Variants in SVEP1 observed in about 807,000 individuals in gnomAD.
The protein encoded by SVEP1 is sushi, von Willebrand factor type A, EGF and pentraxin domain-containing protein 1.
In SVEP1, 164 loss-of-function variants were observed where a neutral mutation model predicts 367.3. The observed-to-expected ratio is 0.45, with a 90% CI of 0.39 to 0.51. The LOEUF is 0.51. Ranked by LOEUF, SVEP1 falls within the 20% of genes least tolerant of loss-of-function variation. The pLI is 0.00. For missense variants in SVEP1, 4,117 were observed against 4,425.3 expected (o/e 0.93, Z 1.98); for synonymous variants, 1,666 against 1,611.6 (o/e 1.03, Z -0.81).
Position 110,427,681 on chromosome 9 carries a change from A to T in SVEP1, c.5885T>A (p.Phe1962Tyr). 2 of 1,613,954 alleles carry T rather than the reference A, an allele frequency of 1.2e-6. No individual in the cohort carries two copies. Among genetic ancestry groups the T allele is most frequent in the South Asian group, 1.1e-5 (1 of 91,072 alleles). Residue 1962 changes from phenylalanine to tyrosine, a missense_variant, in exon 36 of 48, where the codon TTC (phenylalanine) becomes TAC (tyrosine). Phe to Tyr is a conservative substitution (Grantham distance 22, BLOSUM62 3). Coordinates refer to ENST00000374469, the MANE Select transcript of SVEP1 (RefSeq NM_153366.4). ...TTTGATGGCAGGTGGTTCTCCACAG[A>T]AGACGAGGTGACAGGCAGGTGGCGC... ...DRAPPACHLV[F>Y]CGEPPAIKDA...
intron 42 of SVEP1, among the ~76,000 whole-genome samples, chr9:110,386,537 C>G (rs1827525406): frequency 6.6e-6 from 1 of 152,160 alleles, no homozygotes. Context: ...TCAGACATTT[C>G]TATGTGAGCT....
At chr9:110,518,702 C>T (rs1108836) in intron 3 of SVEP1, among the ~76,000 whole-genome samples, 24,920 of 152,046 alleles carry the variant, frequency 0.16, 2,575 homozygotes, top group Admixed American at 0.26. Flanking sequence ...CTAAATAAAA[C>T]TTATGTTCTT....
At chr9:110,448,528 T>A (rs1237370166) in intron 24 of SVEP1, among the ~76,000 whole-genome samples, 1 of 152,160 alleles carries the variant, frequency 6.6e-6, no homozygotes, top group Non-Finnish European at 1.5e-5. Context: ...TGACGGTAAA[T>A]CTATTTTGAC....
chr9:110,406,366 G>T lies in SVEP1; in HGVS notation c.9234C>A (p.Thr3078=), dbSNP rs1348814722. ...PMIPNAFISE[T]SSWKENVITY... ...TTATCACATTTTCCTTCCAAGAGCT[G>T]GTCTCACTGATGAACGCATTTGGTA... Residue 3078 remains threonine, a synonymous_variant, in exon 38 of 48, where the codon ACC becomes ACA. Coordinates refer to ENST00000374469, the MANE Select transcript of SVEP1 (RefSeq NM_153366.4). 3 of 1,614,030 alleles carry T rather than the reference G, an allele frequency of 1.9e-6. No individual in the cohort carries two copies. The highest frequency in any genetic ancestry group is 2.5e-6 in the Non-Finnish European group (3 of 1,179,902).
chr9:110,440,890 G>A (rs899963939), intron 27 of SVEP1, among the ~76,000 whole-genome samples: 1 of 152,130 alleles, frequency 6.6e-6, no homozygotes, highest in Non-Finnish European at 1.5e-5. Context: ...TCTAAGTGGT[G>A]AAGGCAGAAG....
intron 36 of SVEP1, among the ~76,000 whole-genome samples, chr9:110,412,257 CA>C (rs766405943): frequency 2.4e-4 from 37 of 152,236 alleles, no homozygotes; most frequent in African/African-American, 6.3e-4. Context: ...CTACAATGTA[CA>C]ATGCCATATT....
intron 16 of SVEP1, among the ~76,000 whole-genome samples, chr9:110,470,576 G>A (rs1303234168): frequency 3.3e-5 from 5 of 151,922 alleles, no homozygotes; most frequent in Admixed American, 3.3e-4. Flanking sequence ...GGGACTACAG[G>A]CATGTGCCAT....
At position 110,503,146 on chromosome 9, in the gene SVEP1, T is replaced by C. The variant is rs201138144; in HGVS notation, c.1375A>G (p.Lys459Glu). ...TCACAGGCAACCAAACATGTTGTCT[T>C]ATATAACATTTCCCTTGTAGAACAG... Reference protein sequence around the residue: ...ISCSTREMLYKTTCLVACDEG... With the variant: ...ISCSTREMLYETTCLVACDEG... Residue 459 changes from lysine to glutamate, a missense_variant, in exon 6 of 48, where the codon AAG becomes GAG. Transcript: ENST00000374469. The C allele has an allele frequency of 2.4e-5, 38 of 1,613,746 alleles. No individual in the cohort carries two copies. In the Admixed American group the frequency reaches 3.8e-4, roughly 16 times the overall value.
At chr9:110,472,033 C>T (rs529051655) in intron 15 of SVEP1, 126 bp downstream of exon 15, 2 of 1,019,182 alleles carry the variant, frequency 2.0e-6, no homozygotes, top group East Asian at 2.5e-5. Context: ...GTTAACTGTG[C>T]TTTCCCTAAT....
At chr9:110,425,043 A>C (rs1467231922) in intron 36 of SVEP1, among the ~76,000 whole-genome samples, 3 of 152,226 alleles carry the variant, frequency 2.0e-5, no homozygotes, top group African/African-American at 7.2e-5. Context: ...AACAAGAGAG[A>C]GGCTTTCCTT....
chr9:110,383,754 G>A (rs1457870365), intron 43 of SVEP1, among the ~76,000 whole-genome samples: 3 of 152,180 alleles, frequency 2.0e-5, no homozygotes, highest in Non-Finnish European at 4.4e-5. Flanking sequence ...GAGCCCCAGG[G>A]GCTCCATCTC....
intron 37 of SVEP1, among the ~76,000 whole-genome samples, chr9:110,410,217 A>T (rs1345770913): frequency 6.6e-6 from 1 of 152,224 alleles, no homozygotes; most frequent in Admixed American, 6.5e-5. Context: ...GTTTTAAAAA[A>T]GTGTTTAATT....
At chr9:110,551,914 C>T (rs894457900) in intron 1 of SVEP1, among the ~76,000 whole-genome samples, 4 of 151,810 alleles carry the variant, frequency 2.6e-5, no homozygotes, top group Non-Finnish European at 5.9e-5. Context: ...TCCCTTTAGG[C>T]ATAGAGGTCC....
At position 110,375,478 on chromosome 9, in the gene SVEP1, AAAAAAAAAAAAAGG is replaced by A. The variant is rs1399258330; in HGVS notation, c.10505-29_10505-16del. The A allele has an allele frequency of 6.6e-7, 1 of 1,516,252 alleles. No individual in the cohort carries two copies. The highest frequency in any genetic ancestry group is 1.4e-5 in the African/African-American group (1 of 70,930). The allele number at this position is 1,516,252 out of a possible 1,614,324, so 93.9% of individuals were successfully genotyped here. A position where few individuals can be genotyped will look rare whatever the true frequency, so the allele number is the denominator to read the frequency against. ...AATGCAGATTGCTAAAAAAAAAAAA[AAAAAAAAAAAAAGG>A]AGGCAGGGGGGATTGAAATGGCGTT... is the stretch of plus-strand genomic sequence containing the variant. On this transcript the variant is annotated splice_polypyrimidine_tract_variant and intron_variant, in intron 45 of 47. Coordinates refer to ENST00000374469, the MANE Select transcript of SVEP1 (RefSeq NM_153366.4).
At chr9:110,439,338 C>T (rs867600352) in intron 27 of SVEP1, among the ~76,000 whole-genome samples, 7 of 152,152 alleles carry the variant, frequency 4.6e-5, no homozygotes, top group Non-Finnish European at 8.8e-5. Flanking sequence ...CATACTGCTA[C>T]CCTGATCTCA....
Position 110,411,084 on chromosome 9 carries a change from C to T in SVEP1, c.6627G>A (p.Lys2209=). The part of the protein sequence containing the change: ...CHPVSCGEPP[K]VENGFLEHTT... ...TTACCTCCAGAAAGCCATTCTCAAC[C>T]TTAGGTGGTTCACCACAAGATACCG... Residue 2209 remains lysine (K), a synonymous_variant, in exon 37 of 48, where the codon AAG becomes AAA. Coordinates refer to ENST00000374469, the MANE Select transcript of SVEP1 (RefSeq NM_153366.4). 6.3e-7 allele frequency: 1 copy of T among 1,596,354 alleles called. No homozygotes were observed. The highest frequency in any genetic ancestry group is 8.5e-7 in the Non-Finnish European group (1 of 1,170,186).
chr9:110,404,267 C>T (rs919807963), intron 39 of SVEP1, 60 bp downstream of exon 39: 49 of 1,518,830 alleles, frequency 3.2e-5, no homozygotes, highest in Middle Eastern at 2.2e-4. Flanking sequence ...ATAGATACTG[C>T]TTGCTTGGCA....
rs539249846 is a variant in SVEP1, at chr9:110,499,823, G to A, written c.1484-585C>T. Among the ~76,000 whole-genome samples the A allele has an allele frequency of 5.3e-5, 8 of 152,334 alleles. No homozygotes were observed. In the South Asian group the frequency reaches 1.7e-3, roughly 32 times the overall value. The stretch of plus-strand genomic sequence containing the variant: ...AGGACTTAATACAGGGAGTGCATGT[G>A]AGGGGGCAGCGTGTGCACACACCCA... On this transcript the variant is annotated intron_variant, in intron 6 of 47. Coordinates refer to ENST00000374469, the MANE Select transcript of SVEP1 (RefSeq NM_153366.4).
Position 110,445,361 on chromosome 9 carries a change from A to G in SVEP1, c.4463+476T>C, listed in dbSNP as rs189910032. Among the ~76,000 whole-genome samples the G allele has an allele frequency of 5.3e-3, 800 of 152,322 alleles. 4 individuals carry two copies. The highest frequency in any genetic ancestry group is 0.018 in the African/African-American group (751 of 41,570). On this transcript the variant is annotated intron_variant, in intron 26 of 47. Transcript: ENST00000374469. The stretch of plus-strand genomic sequence containing the variant: ...AAAAAAATATGCACACTGAGTTTGT[A>G]TACTGATTTGTATGCAATACACTTG...
Sources: gnomAD v4.1 joint callset for allele counts (sites outside exome capture counted in the v4.1 genomes callset) on GRCh38, gnomAD v4.1.1 for gene constraint, MANE v1.5 for transcripts, NCBI Gene and HGNC (gene_info 2026-07-23, HGNC 2026-07-21) for gene names.